The following ZNF391 variants were observed in gnomAD, a reference collection of about 807,000 sequenced individuals.
ZNF391 encodes the protein zinc finger protein 391.
For missense variants in ZNF391, 375 were observed against 425.5 expected, an observed-to-expected ratio of 0.88 and a Z score of 1.04; for synonymous variants, 126 against 142.1, an observed-to-expected ratio of 0.89 and a Z score of 0.80.
At chr6:27,377,293 A>G (rs1304778504) in intron 1 of ZNF391, among the ~76,000 whole-genome samples, 1 of 152,184 alleles carries the variant, frequency 6.6e-6, no homozygotes, top group Non-Finnish European at 1.5e-5. Flanking sequence ...ATTAACCAGA[A>G]CTCCGACCAC....
intron 1 of ZNF391, among the ~76,000 whole-genome samples, chr6:27,394,614 C>T (rs1761784957): frequency 6.6e-6 from 1 of 152,234 alleles, no homozygotes; most frequent in Admixed American, 6.5e-5. Context: ...AGGCCCCACA[C>T]AGGGTCCCCA....
In ZNF391 at chr6:27,402,775, G is replaced by A. The variant is rs9468118; in HGVS notation, c.*1328G>A. The A allele has an allele frequency of 0.029, 4,385 of 152,068 alleles. 71 individuals are homozygous for A. Among genetic ancestry groups the A allele is most frequent in the Non-Finnish European group, 0.032 (2,187 of 67,976 alleles). 9.4% of individuals were successfully genotyped at this position (152,068 alleles called of 1,614,324 possible). A position where few individuals can be genotyped will look rare whatever the true frequency, so the allele number is the denominator to read the frequency against. On this transcript the variant is annotated 3_prime_UTR_variant, in exon 3 of 3. Coordinates refer to ENST00000244576, the MANE Select transcript of ZNF391 (RefSeq NM_001076781.3). ...ACCCACAATTTTAAAGTTTTTTTGT[G>A]GAGACAGGATCTCACTATATTGGCA...
chr6:27,400,237 T>G (rs1303235106), intron 2 of ZNF391, 56 bp from the exon 3 acceptor site: 14 of 708,614 alleles, frequency 2.0e-5, no homozygotes, highest in Non-Finnish European at 2.9e-5. Context: ...GCTGGTTTAT[T>G]TTCTTTGCTC....
rs771597426 is a variant in ZNF391 at position 27,401,412 on chromosome 6, C to T, written c.1042C>T (p.Leu348=). The part of the protein sequence containing the change: ...CGKAFCQSST[L]IRHQHLHTKE Reference sequence around the variant, plus strand: ...AAAAGCCTTCTGTCAGAGTTCAACTCTGATCAGACATCAGCACCTTCATAC... The same window carrying T: ...AAAAGCCTTCTGTCAGAGTTCAACTTTGATCAGACATCAGCACCTTCATAC... The change falls in exon 3 of 3, where the codon CTG becomes TTG. Residue 348 remains leucine (L), a synonymous_variant. Transcript: ENST00000244576. The T allele has an allele frequency of 1.9e-6, 3 of 1,611,396 alleles. No individual in the cohort carries two copies. The highest frequency in any genetic ancestry group is 2.7e-5 in the African/African-American group (2 of 74,906).
intron 1 of ZNF391, among the ~76,000 whole-genome samples, chr6:27,377,170 T>G (rs1371253769): frequency 3.3e-5 from 5 of 152,096 alleles, no homozygotes; most frequent in Non-Finnish European, 7.4e-5. Flanking sequence ...CAATTCAATC[T>G]GGAAAATTAA....
chr6:27,384,970 C>G (rs902541439), upstream of ZNF391, among the ~76,000 whole-genome samples: 11 of 150,472 alleles, frequency 7.3e-5, no homozygotes, highest in Admixed American at 2.0e-4. Flanking sequence ...GAGCCAAGAT[C>G]GCGCCACTGC....
upstream of ZNF391, among the ~76,000 whole-genome samples, chr6:27,385,218 A>G (rs1287992426): frequency 2.7e-5 from 2 of 75,410 alleles, no homozygotes; most frequent in Non-Finnish European, 6.7e-5. Flanking sequence ...AATTAAAACA[A>G]AAAAAGTCAG....
At chr6:27,395,557 G>A (rs1761807198) in intron 1 of ZNF391, among the ~76,000 whole-genome samples, 2 of 152,242 alleles carry the variant, frequency 1.3e-5, no homozygotes, top group South Asian at 2.1e-4. Flanking sequence ...TTTCTTTATA[G>A]TAATGCAAGA....
chr6:27,396,728 A>G (rs1761833653), intron 1 of ZNF391, among the ~76,000 whole-genome samples: 1 of 152,200 alleles, frequency 6.6e-6, no homozygotes, highest in African/African-American at 2.4e-5. Flanking sequence ...CCCTGTCTCA[A>G]AAAAAGAAAG....
At chr6:27,393,357 TCTC>T (rs973006436) in intron 1 of ZNF391, among the ~76,000 whole-genome samples, 24 of 152,254 alleles carry the variant, frequency 1.6e-4, no homozygotes, top group African/African-American at 5.3e-4. Context: ...CTCCACCTCT[TCTC>T]CTGCTTTTGC....
intron 1 of ZNF391, among the ~76,000 whole-genome samples, chr6:27,398,874 AAAC>A (rs200897014): frequency 0.029 from 4,327 of 150,776 alleles, 67 homozygotes; most frequent in Non-Finnish European, 0.033. Flanking sequence ...AAACAAAACA[AAAC>A]AAGAGTCATC....
upstream of ZNF391, among the ~76,000 whole-genome samples, chr6:27,384,146 G>A (rs535937625): frequency 1.1e-4 from 16 of 152,246 alleles, no homozygotes; most frequent in South Asian, 3.1e-3. Flanking sequence ...AATAACAGAA[G>A]TTAAAACTTG....
intron 1 of ZNF391, among the ~76,000 whole-genome samples, chr6:27,381,331 G>T (rs575507986): frequency 1.3e-5 from 2 of 152,236 alleles, no homozygotes; most frequent in African/African-American, 4.8e-5. Context: ...CTCATTGCCC[G>T]GGGCCGGCAG....
chr6:27,397,228 G>A (rs1277793602), intron 1 of ZNF391, among the ~76,000 whole-genome samples: 1 of 152,180 alleles, frequency 6.6e-6, no homozygotes, highest in Non-Finnish European at 1.5e-5. Context: ...GGAAGGTAAA[G>A]GGGGAGCAAG....
intron 1 of ZNF391, among the ~76,000 whole-genome samples, chr6:27,393,090 C>T (rs916666105): frequency 3.9e-5 from 6 of 152,162 alleles, no homozygotes; most frequent in African/African-American, 1.4e-4. Flanking sequence ...GTCACATGCA[C>T]AAACACATCT....
At chr6:27,380,164 C>G (rs887933950) in intron 1 of ZNF391, among the ~76,000 whole-genome samples, 2 of 152,206 alleles carry the variant, frequency 1.3e-5, no homozygotes, top group Non-Finnish European at 2.9e-5. Context: ...TGATATGTGC[C>G]TATAGTCCTA....
At chr6:27,389,158 G>A (rs973775591) in intron 1 of ZNF391, 83 bp downstream of exon 1, 3 of 456,698 alleles carry the variant, frequency 6.6e-6, no homozygotes, top group Non-Finnish European at 1.3e-5. Flanking sequence ...TGGTTTGGCT[G>A]CAGGTCGGGT....
chr6:27,389,304 G>C (rs1445162126), intron 1 of ZNF391: 2 of 455,526 alleles, frequency 4.4e-6, no homozygotes, highest in Non-Finnish European at 8.8e-6. Flanking sequence ...ATCCCTGGGA[G>C]ATGAAAAAGA....
rs376659298 is a variant in ZNF391, at chr6:27,400,813, G to A, written c.443G>A (p.Arg148Gln). ...ECNKCGKSFS[R>Q]STHLIEHQRT... The stretch of plus-strand genomic sequence containing the variant: ...AACAAATGTGGGAAATCTTTCAGCC[G>A]AAGTACACACCTTATTGAACATCAA... Residue 148 changes from arginine (R) to glutamine (Q), a missense_variant, in exon 3 of 3, where the codon CGA (arginine) becomes CAA (glutamine). By Grantham distance (43) the Arg-to-Gln change is conservative. Transcript: ENST00000244576. 30 of 1,614,038 alleles carry A rather than the reference G, an allele frequency of 1.9e-5. No individual in the cohort carries two copies. In the Admixed American group the frequency reaches 3.2e-4, roughly 17 times the overall value.
Sources: gnomAD v4.1 joint callset for allele counts (sites outside exome capture counted in the v4.1 genomes callset) on GRCh38, gnomAD v4.1.1 for gene constraint, MANE v1.5 for transcripts, NCBI Gene and HGNC (gene_info 2026-07-23, HGNC 2026-07-21) for gene names.